BIVM: variants seen among roughly 807,000 people sequenced by gnomAD.
The protein encoded by BIVM is basic immunoglobulin-like variable motif-containing protein.
Under a neutral mutation model 61.4 loss-of-function variants are expected in BIVM, and 31 were observed. The observed-to-expected ratio is 0.51, with a 90% CI of 0.38 to 0.68. BIVM has a LOEUF of 0.68. BIVM is among the 30% of genes least tolerant of loss of function. The pLI is 0.00. For missense variants in BIVM, 526 were observed against 596.0 expected (o/e 0.88, Z 1.22); for synonymous variants, 189 against 210.7 (o/e 0.90, Z 0.89).
intron 4 of BIVM, chr13:102,820,725 G>C: frequency 3.8e-6 from 1 of 262,812 alleles, no homozygotes; most frequent in Non-Finnish European, 7.2e-6. Flanking sequence ...AAATAATCAT[G>C]TAAGCAGTTC....
chr13:102,808,493 C>T (rs1275809243), intron 3 of BIVM, among the ~76,000 whole-genome samples: 1 of 151,996 alleles, frequency 6.6e-6, no homozygotes, highest in Non-Finnish European at 1.5e-5. Context: ...TTTATAAAAC[C>T]TTAATGCTTC....
intron 7 of BIVM, among the ~76,000 whole-genome samples, chr13:102,828,947 T>C (rs1386744068): frequency 6.6e-6 from 1 of 151,546 alleles, no homozygotes; most frequent in Non-Finnish European, 1.5e-5. Flanking sequence ...CGAGAATTGC[T>C]TGAACCCGGG....
intron 3 of BIVM, among the ~76,000 whole-genome samples, chr13:102,808,352 G>A (rs1035703100): frequency 1.3e-5 from 2 of 152,106 alleles, no homozygotes; most frequent in African/African-American, 4.8e-5. Context: ...TTATGAGGCA[G>A]GTACTGTTAG....
chr13:102,835,562 C>G (rs1047387487), intron 9 of BIVM, among the ~76,000 whole-genome samples: 2 of 152,156 alleles, frequency 1.3e-5, no homozygotes, highest in Non-Finnish European at 2.9e-5. Flanking sequence ...AAGACAGAGT[C>G]TCTTTCTGTC....
intron 3 of BIVM, among the ~76,000 whole-genome samples, chr13:102,812,998 G>A (rs1381084511): frequency 6.6e-6 from 1 of 152,134 alleles, no homozygotes; most frequent in African/African-American, 2.4e-5. Flanking sequence ...TTGGACTTGG[G>A]GATAGGTAGT....
At chr13:102,837,183 G>A (rs547716310) in intron 9 of BIVM, among the ~76,000 whole-genome samples, 2 of 152,160 alleles carry the variant, frequency 1.3e-5, no homozygotes, top group Non-Finnish European at 2.9e-5. Flanking sequence ...GAGGCTGAGG[G>A]GGGAGGATCA....
At chr13:102,836,272 T>C (rs1190458201) in intron 9 of BIVM, among the ~76,000 whole-genome samples, 1 of 152,214 alleles carries the variant, frequency 6.6e-6, no homozygotes, top group African/African-American at 2.4e-5. Flanking sequence ...TTCCTGTTTT[T>C]TTCTAGAAGC....
intron 2 of BIVM, among the ~76,000 whole-genome samples, chr13:102,805,686 A>G (rs1186115133): frequency 6.6e-6 from 1 of 152,202 alleles, no homozygotes; most frequent in Non-Finnish European, 1.5e-5. Context: ...GCCCTAGGAA[A>G]CCATGAATCT....
chr13:102,817,938 A>G (rs917696431), intron 4 of BIVM, among the ~76,000 whole-genome samples: 10 of 152,222 alleles, frequency 6.6e-5, no homozygotes, highest in Non-Finnish European at 1.3e-4. Flanking sequence ...AGAGATGCAC[A>G]CAACATTGTC....
At chr13:102,805,779 TC>T (rs1342201628) in intron 2 of BIVM, among the ~76,000 whole-genome samples, 1 of 136,814 alleles carries the variant, frequency 7.3e-6, no homozygotes, top group Non-Finnish European at 1.6e-5. Context: ...GTGACGATCT[TC>T]TTTTACTCAC....
chr13:102,830,055 TC>T (rs1426113943), intron 7 of BIVM, among the ~76,000 whole-genome samples: 1 of 152,138 alleles, frequency 6.6e-6, no homozygotes. Flanking sequence ...CTCCTAATGC[TC>T]TTTCCTCTGT....
intron 4 of BIVM, chr13:102,820,757 T>A (rs1468685816): frequency 2.5e-5 from 8 of 322,928 alleles, no homozygotes; most frequent in Non-Finnish European, 4.5e-5. Flanking sequence ...TACACCAAAC[T>A]TTTAATAGGC....
At chr13:102,809,688 C>T (rs1397198685) in intron 3 of BIVM, among the ~76,000 whole-genome samples, 1 of 152,070 alleles carries the variant, frequency 6.6e-6, no homozygotes, top group African/African-American at 2.4e-5. Flanking sequence ...CTGTCTTAAC[C>T]ATTTTTACGT....
Position 102,841,229 on chromosome 13 carries a change from A to G in BIVM, c.*1364A>G, listed in dbSNP as rs777080426. The G allele has an allele frequency of 2.6e-5, 4 of 152,616 alleles. No homozygotes were observed. The highest frequency in any genetic ancestry group is 4.4e-5 in the Non-Finnish European group (3 of 68,034). 9.5% of individuals were successfully genotyped at this position (152,616 alleles called of 1,614,324 possible). A position where few individuals can be genotyped will look rare whatever the true frequency, so the allele number is the denominator to read the frequency against. On this transcript the variant is annotated 3_prime_UTR_variant, in exon 11 of 11. Transcript: ENST00000257336. ...GTCTTGTTCCAGGACTCAAATCAGT[A>G]ACTTGGTGATTACAAGGTGCTGAAT... is the stretch of plus-strand genomic sequence containing the variant.
intron 4 of BIVM, among the ~76,000 whole-genome samples, chr13:102,819,230 A>C (rs967162176): frequency 1.3e-5 from 2 of 152,222 alleles, no homozygotes; most frequent in African/African-American, 4.8e-5. Context: ...AAAGGGGTAA[A>C]AGGGAGTTGT....
In BIVM at chr13:102,807,619, G is replaced by A. The variant is rs765370746; in HGVS notation, c.352G>A (p.Glu118Lys). Residue 118 changes from glutamate (E) to lysine (K), a missense_variant, in exon 3 of 11, where the codon GAA becomes AAA. Physicochemically the swap from Glu to Lys is moderately conservative, Grantham distance 56. Coordinates refer to ENST00000257336, the MANE Select transcript of BIVM (RefSeq NM_017693.4). The surrounding 1 kb of genome is among the most constrained non-coding windows in gnomAD (Gnocchi z 4.0). Reference sequence around the variant, plus strand: ...CATTGGTATCCCGACTAGTACATCGGAAATTATCTACAATGAAGAAAATAG... The same window carrying A: ...CATTGGTATCCCGACTAGTACATCGAAAATTATCTACAATGAAGAAAATAG... The part of the protein sequence containing the change: ...RYIGIPTSTS[E>K]IIYNEENSLE... 27 of 1,614,014 alleles carry A rather than the reference G, an allele frequency of 1.7e-5. No homozygotes were observed. In the East Asian group the frequency reaches 5.8e-4, roughly 35 times the overall value.
intron 3 of BIVM, among the ~76,000 whole-genome samples, chr13:102,816,215 C>G (rs1346805470): frequency 6.6e-6 from 1 of 152,118 alleles, no homozygotes; most frequent in Non-Finnish European, 1.5e-5. Flanking sequence ...AGGTAGGGGA[C>G]TATTATTGAA....
At chr13:102,814,047 T>C (rs1879689734) in intron 3 of BIVM, among the ~76,000 whole-genome samples, 1 of 152,122 alleles carries the variant, frequency 6.6e-6, no homozygotes, top group Admixed American at 6.6e-5. Context: ...TTTCTAAAAG[T>C]CAGTGTGGTG....
chr13:102,826,718 T>C (rs924321965), intron 7 of BIVM, among the ~76,000 whole-genome samples: 1 of 152,216 alleles, frequency 6.6e-6, no homozygotes, highest in Admixed American at 6.5e-5. Flanking sequence ...TTTACTTGTT[T>C]TCTTTTTGCC....
Sources: allele counts gnomAD v4.1 joint callset (sites outside exome capture counted in the v4.1 genomes callset), GRCh38; gene constraint gnomAD v4.1.1; non-coding constraint Gnocchi (gnomAD v3.1); transcripts MANE v1.5; gene names NCBI Gene and HGNC (gene_info 2026-07-23, HGNC 2026-07-21).